LRRC7: variants seen among roughly 807,000 people sequenced by gnomAD.
LRRC7 encodes leucine-rich repeat-containing protein 7.
Under a neutral mutation model 175.7 loss-of-function variants are expected in LRRC7, and 23 were observed. The ratio of observed to expected loss-of-function variants is 0.13; its 90% confidence interval spans 0.09 to 0.19. LRRC7 has a LOEUF of 0.19. Among genes scored for constraint, LRRC7 ranks in the 10% least tolerant of loss-of-function variants. The probability of loss-of-function intolerance (pLI) is 1.00; values close to 1 mark genes in which losing one functional copy is unlikely to be tolerated. For synonymous variants in LRRC7, 685 were observed against 680.9 expected, an observed-to-expected ratio of 1.01 and a Z score of -0.09; for missense variants, 1,354 against 1,904.7, an observed-to-expected ratio of 0.71 and a Z score of 5.38.
At chr1:69,698,338 AC>A (rs1237480636) in intron 2 of LRRC7, among the ~76,000 whole-genome samples, 8 of 152,028 alleles carry the variant, frequency 5.3e-5, no homozygotes, top group Non-Finnish European at 8.8e-5. Flanking sequence ...TTTAGTTTCA[AC>A]CCCCAGCACT....
chr1:70,020,117 C>T (rs1008152197), intron 15 of LRRC7, among the ~76,000 whole-genome samples: 39 of 151,774 alleles, frequency 2.6e-4, no homozygotes, highest in Non-Finnish European at 4.7e-4. Flanking sequence ...AAAGTTTCCT[C>T]GAACTTAAAT....
At chr1:70,045,393 G>A (rs1322622679) in intron 22 of LRRC7, among the ~76,000 whole-genome samples, 1 of 151,944 alleles carries the variant, frequency 6.6e-6, no homozygotes, top group African/African-American at 2.4e-5. Flanking sequence ...GAAGATTCAC[G>A]TGCAGTTGAC....
intron 1 of LRRC7, among the ~76,000 whole-genome samples, chr1:69,598,024 G>A (rs1034803015): frequency 6.6e-6 from 1 of 152,130 alleles, no homozygotes; most frequent in African/African-American, 2.4e-5. Context: ...TTTTTAAAGT[G>A]ACATAAAATG....
chr1:69,773,203 G>C (rs1245813278), intron 3 of LRRC7, among the ~76,000 whole-genome samples: 2 of 152,184 alleles, frequency 1.3e-5, no homozygotes, highest in Non-Finnish European at 2.9e-5. Context: ...CTAGATGCAG[G>C]AAATTGATGG....
At chr1:69,622,070 G>T (rs1042951518) in intron 1 of LRRC7, among the ~76,000 whole-genome samples, 1 of 151,956 alleles carries the variant, frequency 6.6e-6, no homozygotes, top group Non-Finnish European at 1.5e-5. Context: ...TAACTTCCTC[G>T]AACAAAGAAA....
intron 22 of LRRC7, among the ~76,000 whole-genome samples, chr1:70,051,459 A>G (rs1660735948): frequency 6.6e-6 from 1 of 152,020 alleles, no homozygotes; most frequent in Non-Finnish European, 1.5e-5. Flanking sequence ...AAAATTGTGT[A>G]TGGGCATATG....
intron 1 of LRRC7, among the ~76,000 whole-genome samples, chr1:69,646,160 T>C (rs1032787629): frequency 6.6e-6 from 1 of 152,096 alleles, no homozygotes; most frequent in African/African-American, 2.4e-5. Context: ...ATACATGCCG[T>C]ATGTTTTTAA....
intron 7 of LRRC7, among the ~76,000 whole-genome samples, chr1:69,887,684 G>T (rs531125375): frequency 9.3e-4 from 141 of 152,026 alleles, no homozygotes; most frequent in South Asian, 2.3e-3. Context: ...TTTGGAGGAG[G>T]AGAGGCACTC....
chr1:69,667,235 C>T (rs530746489), intron 1 of LRRC7, among the ~76,000 whole-genome samples: 9 of 151,062 alleles, frequency 6.0e-5, no homozygotes, highest in Non-Finnish European at 1.3e-4. Flanking sequence ...TATGGTCTAT[C>T]CTTGAGAATG....
At chr1:69,741,643 A>G (rs1668723846) in intron 2 of LRRC7, among the ~76,000 whole-genome samples, 1 of 151,958 alleles carries the variant, frequency 6.6e-6, no homozygotes, top group South Asian at 2.1e-4. Flanking sequence ...ACCAAATCCT[A>G]CTAGCCTCCA....
intron 1 of LRRC7, among the ~76,000 whole-genome samples, chr1:69,642,315 A>T (rs1654331196): frequency 6.6e-6 from 1 of 151,956 alleles, no homozygotes; most frequent in Admixed American, 6.6e-5. Flanking sequence ...CTTGCTTGAA[A>T]TTTTTCTAAT....
chr1:70,118,278 C>A (rs1363250651), intron 26 of LRRC7, among the ~76,000 whole-genome samples: 3 of 151,740 alleles, frequency 2.0e-5, no homozygotes, highest in African/African-American at 7.3e-5. Flanking sequence ...TCATTTTGCT[C>A]TTCTGTCCTA....
At chr1:69,854,762 A>C (rs1683392871) in intron 7 of LRRC7, among the ~76,000 whole-genome samples, 1 of 152,218 alleles carries the variant, frequency 6.6e-6, no homozygotes, top group Non-Finnish European at 1.5e-5. Context: ...AATCTAATAC[A>C]AATTTTAAAA....
intron 3 of LRRC7, among the ~76,000 whole-genome samples, chr1:69,779,985 C>A (rs967772119): frequency 6.6e-6 from 1 of 152,190 alleles, no homozygotes; most frequent in Non-Finnish European, 1.5e-5. Context: ...CTGCTGGCAC[C>A]AACTCTTAAT....
At chr1:69,866,833 A>T (rs1684994835) in intron 7 of LRRC7, among the ~76,000 whole-genome samples, 1 of 152,178 alleles carries the variant, frequency 6.6e-6, no homozygotes, top group South Asian at 2.1e-4. Context: ...ACCTCTATTT[A>T]TCACTGCTTG....
chr1:69,976,576 G>T (rs534212332), intron 8 of LRRC7, among the ~76,000 whole-genome samples: 34 of 152,136 alleles, frequency 2.2e-4, no homozygotes, highest in Non-Finnish European at 1.3e-4. Context: ...CTATCACCAA[G>T]GTTACTAGTG....
chr1:70,040,493 C>CA (rs554126869), intron 21 of LRRC7, among the ~76,000 whole-genome samples: 19 of 152,006 alleles, frequency 1.2e-4, no homozygotes, highest in Non-Finnish European at 2.1e-4. Context: ...TATATTGCAG[C>CA]AAAAAAGAAA....
chr1:70,093,011 C>CCAGT (rs1257248388), intron 25 of LRRC7, among the ~76,000 whole-genome samples: 4 of 152,190 alleles, frequency 2.6e-5, no homozygotes, highest in African/African-American at 9.6e-5. Flanking sequence ...GTGAAAAACA[C>CCAGT]CAGTTCATTC....
intron 2 of LRRC7, among the ~76,000 whole-genome samples, chr1:69,720,193 TATTA>T (rs539890299): frequency 5.9e-5 from 9 of 151,678 alleles, no homozygotes; most frequent in Non-Finnish European, 1.0e-4. Flanking sequence ...TTCTCTCCTT[TATTA>T]ATTTCTTTTG....
Sources: gnomAD v4.1 joint callset for allele counts (sites outside exome capture counted in the v4.1 genomes callset) on GRCh38, gnomAD v4.1.1 for gene constraint, MANE v1.5 for transcripts, NCBI Gene and HGNC (gene_info 2026-07-23, HGNC 2026-07-21) for gene names.